Variants in FMNL3 observed in about 807,000 individuals in gnomAD.
FMNL3 encodes the protein formin like 3.
Under a neutral mutation model 119.6 loss-of-function variants are expected in FMNL3, and 57 were observed. The observed-to-expected ratio is 0.48, with a 90% CI of 0.39 to 0.59. FMNL3 has a LOEUF of 0.59. Ranked by LOEUF, FMNL3 falls within the 20% of genes least tolerant of loss-of-function variation. FMNL3 has a pLI of 0.00. For synonymous variants in FMNL3, 491 were observed against 507.3 expected (o/e 0.97, Z 0.43); for missense variants, 1,053 against 1,323.5 (o/e 0.80, Z 3.17).
chr12:49,664,548 G>A (rs1033763548), intron 4 of FMNL3, among the ~76,000 whole-genome samples: 6 of 152,140 alleles, frequency 3.9e-5, no homozygotes, highest in African/African-American at 7.2e-5. Flanking sequence ...ACACACAGGG[G>A]TACTAAGCAG....
Position 49,642,655 on chromosome 12 carries a change from G to C in FMNL3, c.*3160C>G, listed in dbSNP as rs1942830447. 6 of 1,614,166 alleles carry C rather than the reference G, an allele frequency of 3.7e-6. No homozygotes were observed. On this transcript the variant is annotated 3_prime_UTR_variant, in exon 26 of 26. Coordinates refer to ENST00000335154, the MANE Select transcript of FMNL3 (RefSeq NM_175736.5). This position sits in a 1 kb window ranked among gnomAD's most constrained non-coding sequence, Gnocchi z 5.8. ...GTCGGAGCGGATCCGGCTCTTCCGG[G>C]AGTTCCTACAGGTGCTGGAGGTGAG...
chr12:49,664,181 G>A (rs375761602), intron 4 of FMNL3, among the ~76,000 whole-genome samples: 472 of 152,338 alleles, frequency 3.1e-3, no homozygotes, highest in Middle Eastern at 0.014. Context: ...GGAGGCAGAG[G>A]TTGCAGTGAG....
chr12:49,656,385 G>A lies in FMNL3; in HGVS notation c.885+19C>T, dbSNP rs778732074. On this transcript the variant is annotated intron_variant, in intron 9 of 25. Coordinates refer to ENST00000335154, the MANE Select transcript of FMNL3 (RefSeq NM_175736.5). ...CCCCCGCAAACACACACACACACAC[G>A]CGAAGCGAAAAGACTGACCTCTTTG... 3.5e-5 allele frequency: 56 copies of A among 1,600,204 alleles called. No homozygotes were observed. Among genetic ancestry groups the A allele is most frequent in the Admixed American group, 5.0e-5 (3 of 59,542 alleles).
intron 17 of FMNL3, 137 bp from the exon 18 acceptor site, chr12:49,650,062 A>C: frequency 1.4e-6 from 1 of 691,914 alleles, no homozygotes; most frequent in Non-Finnish European, 2.4e-6. Context: ...GACCCATTGC[A>C]TCATCTGTCA....
chr12:49,666,216 G>GA lies in FMNL3; in HGVS notation c.211-10dup. ...TTCACCTGGAATCGTTCCTGTAAGG[G>GA]AAACATGCATATGCGTATCCACAAA... On this transcript the variant is annotated splice_polypyrimidine_tract_variant and intron_variant, in intron 2 of 25. Coordinates refer to ENST00000335154, the MANE Select transcript of FMNL3 (RefSeq NM_175736.5). 6.2e-7 allele frequency: 1 copy of GA among 1,612,328 alleles called. No homozygotes were observed. Among genetic ancestry groups the GA allele is most frequent in the Non-Finnish European group, 8.5e-7 (1 of 1,178,984 alleles).
chr12:49,648,432 G>A, intron 21 of FMNL3, 79 bp from the exon 22 acceptor site: 1 of 1,472,974 alleles, frequency 6.8e-7, no homozygotes, highest in South Asian at 1.4e-5. Flanking sequence ...ATCAAACTCT[G>A]GCCCTCCCCC....
chr12:49,650,437 C>T (rs1484459300), intron 17 of FMNL3, among the ~76,000 whole-genome samples: 1 of 152,242 alleles, frequency 6.6e-6, no homozygotes, highest in Non-Finnish European at 1.5e-5. Flanking sequence ...CTTCTACCAT[C>T]CTGGTGGTAT....
intron 1 of FMNL3, among the ~76,000 whole-genome samples, chr12:49,694,627 C>T (rs1944702092): frequency 6.6e-6 from 1 of 152,056 alleles, no homozygotes; most frequent in African/African-American, 2.4e-5. Context: ...ATAAGTATAT[C>T]AGGACGAGTG....
Position 49,648,176 on chromosome 12 carries a change from C to T in FMNL3, c.2676+17G>A, listed in dbSNP as rs141441344. 1 of 1,607,674 alleles carries T rather than the reference C, an allele frequency of 6.2e-7. No homozygotes were observed. The highest frequency in any genetic ancestry group is 1.3e-5 in the African/African-American group (1 of 74,786). On this transcript the variant is annotated intron_variant, in intron 22 of 25. Coordinates refer to ENST00000335154, the MANE Select transcript of FMNL3 (RefSeq NM_175736.5). The stretch of plus-strand genomic sequence containing the variant: ...CCTTGGCCCTGGTTGCTCCCACCGC[C>T]TGCACCCCGTGCTTGCCTCAGCCGT...
chr12:49,673,350 G>C (rs1353619518), intron 1 of FMNL3, among the ~76,000 whole-genome samples: 1 of 152,242 alleles, frequency 6.6e-6, no homozygotes, highest in Non-Finnish European at 1.5e-5. Context: ...TGGGAGTCCA[G>C]AAGACTGCTG....
At chr12:49,702,051 C>A (rs1474246463) in intron 1 of FMNL3, among the ~76,000 whole-genome samples, 1 of 152,160 alleles carries the variant, frequency 6.6e-6, no homozygotes, top group Admixed American at 6.5e-5. Flanking sequence ...TGCCTAAAAT[C>A]CCAATACTTT....
At chr12:49,686,968 G>A (rs1190092557) in intron 1 of FMNL3, among the ~76,000 whole-genome samples, 1 of 152,132 alleles carries the variant, frequency 6.6e-6, no homozygotes, top group Non-Finnish European at 1.5e-5. Flanking sequence ...GCCATAGGGA[G>A]CCCCTTCCTC....
intron 1 of FMNL3, among the ~76,000 whole-genome samples, chr12:49,690,905 C>A (rs971625483): frequency 1.3e-5 from 2 of 152,190 alleles, no homozygotes; most frequent in Non-Finnish European, 2.9e-5. Context: ...ATTAGCCAGG[C>A]GTGGTGGTGC....
At position 49,643,168 on chromosome 12, in the gene FMNL3, G is replaced by T; in HGVS notation, c.*2647C>A. 6.2e-7 allele frequency: 1 copy of T among 1,602,658 alleles called. No homozygotes were observed. Among genetic ancestry groups the T allele is most frequent in the Non-Finnish European group, 8.5e-7 (1 of 1,172,246 alleles). ...CTCCTCTCTCGAATTCCCAGACGAGGGCTTCTGGAGGGCAGAGAACCTCTG... is the reference window on the plus strand; with the variant it reads ...CTCCTCTCTCGAATTCCCAGACGAGTGCTTCTGGAGGGCAGAGAACCTCTG... On this transcript the variant is annotated 3_prime_UTR_variant, in exon 26 of 26. Transcript: ENST00000335154.
intron 2 of FMNL3, 97 bp downstream of exon 2, chr12:49,668,374 A>G: frequency 1.8e-6 from 2 of 1,137,852 alleles, no homozygotes; most frequent in Non-Finnish European, 2.6e-6. Context: ...AGGGTTCCTC[A>G]AGGAACCCAA....
At chr12:49,650,593 A>G in intron 17 of FMNL3, 83 bp downstream of exon 17, 9 of 1,486,266 alleles carry the variant, frequency 6.1e-6, no homozygotes, top group Non-Finnish European at 8.4e-6. Context: ...GATGACCTGG[A>G]ATCTAGGGAA....
chr12:49,662,574 T>G (rs1209231986), intron 4 of FMNL3, among the ~76,000 whole-genome samples: 1 of 151,262 alleles, frequency 6.6e-6, no homozygotes, highest in African/African-American at 2.4e-5. Context: ...AGGAGAGGAG[T>G]TTTAGAAAGC....
intron 1 of FMNL3, among the ~76,000 whole-genome samples, chr12:49,674,922 A>C (rs1292103151): frequency 6.6e-6 from 1 of 152,254 alleles, no homozygotes; most frequent in Non-Finnish European, 1.5e-5. Context: ...AGTCAGATGA[A>C]GGAGAGGTCC....
chr12:49,658,721 A>G, intron 5 of FMNL3, 127 bp from the exon 6 acceptor site: 1 of 1,155,392 alleles, frequency 8.7e-7, no homozygotes, highest in Non-Finnish European at 1.2e-6. Context: ...AGGGGTAGCA[A>G]GGAGAGAAAG....
Sources: allele counts gnomAD v4.1 joint callset (sites outside exome capture counted in the v4.1 genomes callset), GRCh38; gene constraint gnomAD v4.1.1; non-coding constraint Gnocchi (gnomAD v3.1); transcripts MANE v1.5; gene names NCBI Gene and HGNC (gene_info 2026-07-23, HGNC 2026-07-21).